Variants in ASTN2 observed in about 807,000 individuals in gnomAD.
ASTN2 encodes the protein astrotactin 2.
ASTN2 carries 54 observed loss-of-function variants against 139.8 expected under a neutral mutation model. The observed-to-expected ratio is 0.39, with a 90% CI of 0.31 to 0.48. The LOEUF is 0.48. Among genes scored for constraint, ASTN2 ranks in the 20% least tolerant of loss-of-function variants. ASTN2 has a pLI of 0.95. For missense variants in ASTN2, 1,565 were observed against 1,725.1 expected (o/e 0.91, Z 1.64); for synonymous variants, 756 against 719.5 (o/e 1.05, Z -0.81).
intron 1 of ASTN2, among the ~76,000 whole-genome samples, chr9:117,403,764 C>T (rs1588017227): frequency 6.6e-6 from 1 of 152,282 alleles, no homozygotes; most frequent in Non-Finnish European, 1.5e-5. Context: ...CCTGCTCCCA[C>T]AACACCCACC....
At chr9:116,933,979 C>CTTTTTTTTTTTTTTTTTATTT (rs1834988304) in intron 10 of ASTN2, among the ~76,000 whole-genome samples, 1 of 86,910 alleles carries the variant, frequency 1.2e-5, no homozygotes, top group Admixed American at 1.4e-4. Context: ...AGTGTTAGTC[C>CTTTTTTTTTTTTTTTTTATTT]TTTTTTTTTT....
At chr9:117,371,835 C>T (rs1254407655) in intron 1 of ASTN2, among the ~76,000 whole-genome samples, 3 of 152,056 alleles carry the variant, frequency 2.0e-5, no homozygotes, top group African/African-American at 7.2e-5. Context: ...GAGGAAATAA[C>T]TGAGACTCAG....
In ASTN2 at chr9:117,414,258, C is replaced by T. The variant is rs142541766; in HGVS notation, c.442+239G>A. On this transcript the variant is annotated intron_variant, in intron 1 of 22. Coordinates refer to ENST00000313400, the MANE Select transcript of ASTN2 (RefSeq NM_001365068.1). This position sits in a 1 kb window ranked among gnomAD's most constrained non-coding sequence, Gnocchi z 4.2. ...AGGTCGGGACTGAGAGGCAGAGGGGCAGGTTCCCACTGCGGGAGGGTTGGC... is the reference window on the plus strand; with the variant it reads ...AGGTCGGGACTGAGAGGCAGAGGGGTAGGTTCCCACTGCGGGAGGGTTGGC... Among the ~76,000 whole-genome samples, 88 of 152,258 alleles carry T rather than the reference C, an allele frequency of 5.8e-4. 1 individual carries two copies. In the East Asian group the frequency reaches 8.8e-3, roughly 15 times the overall value.
At chr9:116,781,029 G>A (rs746394508) in intron 13 of ASTN2, among the ~76,000 whole-genome samples, 16 of 152,000 alleles carry the variant, frequency 1.1e-4, no homozygotes, top group Non-Finnish European at 2.1e-4. Flanking sequence ...TAGTAGAGAC[G>A]GGGTTTCTCC....
intron 2 of ASTN2, among the ~76,000 whole-genome samples, chr9:117,227,037 G>T (rs1331317548): frequency 6.6e-6 from 1 of 152,172 alleles, no homozygotes; most frequent in African/African-American, 2.4e-5. Context: ...TTTCATATGG[G>T]GAGGGAGCTT....
chr9:117,066,872 ATTTG>A (rs1275959872), intron 5 of ASTN2, among the ~76,000 whole-genome samples: 1 of 129,928 alleles, frequency 7.7e-6, no homozygotes, highest in Non-Finnish European at 1.6e-5. Flanking sequence ...TTTCTTGTAA[ATTTG>A]TTTGAGTTCA....
intron 10 of ASTN2, among the ~76,000 whole-genome samples, chr9:116,952,682 A>C (rs928742019): frequency 2.0e-5 from 3 of 152,210 alleles, no homozygotes; most frequent in Non-Finnish European, 4.4e-5. Flanking sequence ...TTGCTCCATC[A>C]TGTTAAGCTG....
At chr9:117,203,872 T>G (rs1831820168) in intron 3 of ASTN2, among the ~76,000 whole-genome samples, 1 of 152,152 alleles carries the variant, frequency 6.6e-6, no homozygotes, top group Admixed American at 6.5e-5. Flanking sequence ...ATGAAGCACT[T>G]TGTGCCTTGG....
At chr9:117,179,052 A>G (rs183342919) in intron 3 of ASTN2, among the ~76,000 whole-genome samples, 72 of 152,276 alleles carry the variant, frequency 4.7e-4, no homozygotes, top group African/African-American at 1.6e-3. Context: ...CGTGCACACA[A>G]TCCTTAACAG....
intron 10 of ASTN2, among the ~76,000 whole-genome samples, chr9:116,954,861 T>C (rs1462991315): frequency 2.6e-5 from 4 of 152,194 alleles, no homozygotes; most frequent in Non-Finnish European, 5.9e-5. Context: ...TTGTTAGACA[T>C]TCAAATCTGT....
intron 19 of ASTN2, among the ~76,000 whole-genome samples, chr9:116,529,406 C>T (rs1045395463): frequency 6.6e-6 from 1 of 152,120 alleles, no homozygotes; most frequent in Non-Finnish European, 1.5e-5. Flanking sequence ...TTACCCAATG[C>T]CTGTATCCCC....
intron 6 of ASTN2, among the ~76,000 whole-genome samples, chr9:117,022,489 G>T (rs550372021): frequency 7.2e-5 from 11 of 151,824 alleles, no homozygotes; most frequent in Non-Finnish European, 1.3e-4. Flanking sequence ...AACATCATTT[G>T]CTGATGTGTT....
At chr9:116,533,110 C>CT (rs1851435552) in intron 19 of ASTN2, among the ~76,000 whole-genome samples, 1 of 152,030 alleles carries the variant, frequency 6.6e-6, no homozygotes, top group South Asian at 2.1e-4. Context: ...GTATTTTATT[C>CT]TTTTTGAAGC....
At chr9:117,181,340 G>A in intron 3 of ASTN2, 2 of 375,326 alleles carry the variant, frequency 5.3e-6, no homozygotes, top group South Asian at 5.6e-5. Flanking sequence ...AAGTATCAGA[G>A]CTAAGATTGG....
At chr9:116,555,636 A>G (rs1852576994) in intron 19 of ASTN2, among the ~76,000 whole-genome samples, 1 of 152,174 alleles carries the variant, frequency 6.6e-6, no homozygotes, top group African/African-American at 2.4e-5. Flanking sequence ...ACTGACAGAA[A>G]GGAGGATATC....
At chr9:116,682,124 T>C (rs200073991) in intron 16 of ASTN2, among the ~76,000 whole-genome samples, 59 of 151,874 alleles carry the variant, frequency 3.9e-4, no homozygotes, top group African/African-American at 9.7e-4. Context: ...GCAACCTACT[T>C]ATCTGACAAA....
chr9:116,975,459 C>T (rs1836318110), intron 9 of ASTN2, 114 bp from the exon 10 acceptor site: 1 of 1,051,268 alleles, frequency 9.5e-7, no homozygotes, highest in African/African-American at 1.6e-5. Context: ...CCATCCATAT[C>T]CCCAGCATTA....
At chr9:116,854,256 G>A (rs1319321332) in intron 11 of ASTN2, among the ~76,000 whole-genome samples, 1 of 152,194 alleles carries the variant, frequency 6.6e-6, no homozygotes, top group African/African-American at 2.4e-5. Flanking sequence ...CCCTGCATGA[G>A]ATATCAGATA....
chr9:116,740,092 A>G (rs1022536429), intron 13 of ASTN2, among the ~76,000 whole-genome samples: 1 of 152,206 alleles, frequency 6.6e-6, no homozygotes, highest in Non-Finnish European at 1.5e-5. Context: ...ATGAGAAAAG[A>G]TGATCTCCCT....
Sources: allele counts gnomAD v4.1 joint callset (sites outside exome capture counted in the v4.1 genomes callset), GRCh38; gene constraint gnomAD v4.1.1; non-coding constraint Gnocchi (gnomAD v3.1); transcripts MANE v1.5; gene names NCBI Gene and HGNC (gene_info 2026-07-23, HGNC 2026-07-21).